The following LINGO2 variants were observed in gnomAD, a reference collection of about 807,000 sequenced individuals.
The protein encoded by LINGO2 is leucine rich repeat and Ig domain containing 2.
LINGO2 carries 14 observed loss-of-function variants against 30.6 expected under a neutral mutation model. The ratio of observed to expected loss-of-function variants is 0.46; its 90% CI spans 0.30 to 0.72. The LOEUF (loss-of-function observed/expected upper bound fraction) is 0.72. Ranked by LOEUF, LINGO2 falls within the 30% of genes least tolerant of loss-of-function variation. LINGO2 has a pLI of 0.07. For synonymous variants in LINGO2, 317 were observed against 288.5 expected (o/e 1.10, Z -1.00); for missense variants, 729 against 751.7 (o/e 0.97, Z 0.35).
chr9:28,622,915 T>C (rs1270045580), intron 1 of LINGO2, among the ~76,000 whole-genome samples: 2 of 152,094 alleles, frequency 1.3e-5, no homozygotes, highest in African/African-American at 4.8e-5. Flanking sequence ...CATTGCAGTA[T>C]TGATTTGTAT....
chr9:28,035,892 A>AC (rs1491393476), intron 4 of LINGO2, among the ~76,000 whole-genome samples: 9 of 81,148 alleles, frequency 1.1e-4, no homozygotes, highest in East Asian at 5.6e-4. Flanking sequence ...ACACACACAC[A>AC]AACACACACA....
chr9:28,874,439 A>G, the LINGO2 span, among the ~76,000 whole-genome samples: 1 of 152,088 alleles, frequency 6.6e-6, no homozygotes, highest in Non-Finnish European at 1.5e-5. Flanking sequence ...ACTATCGAGC[A>G]CTGTTTTTAA....
chr9:28,029,847 A>G (rs564191157), intron 4 of LINGO2, among the ~76,000 whole-genome samples: 5 of 152,328 alleles, frequency 3.3e-5, no homozygotes, highest in African/African-American at 1.2e-4. Flanking sequence ...TTGCAATTAT[A>G]TAACTTTGAA....
At chr9:29,209,661 T>A in the LINGO2 span, among the ~76,000 whole-genome samples, 1 of 152,282 alleles carries the variant, frequency 6.6e-6, no homozygotes, top group African/African-American at 2.4e-5. Context: ...TTTTTAAATT[T>A]AATTTATTTT....
chr9:28,768,841 T>G, the LINGO2 span, among the ~76,000 whole-genome samples: 1 of 152,154 alleles, frequency 6.6e-6, no homozygotes, highest in East Asian at 1.9e-4. Context: ...TATGACAGAA[T>G]TGGAACATCC....
chr9:28,653,941 T>C (rs1315405838), intron 1 of LINGO2, among the ~76,000 whole-genome samples: 5 of 152,124 alleles, frequency 3.3e-5, no homozygotes, highest in African/African-American at 1.2e-4. Flanking sequence ...ATTATAGCTA[T>C]AATAAAAGGG....
rs75805440 is a variant in LINGO2, at chr9:28,593,370, C to G, written c.-365+76830G>C. Among the ~76,000 whole-genome samples, 678 of 152,152 alleles carry G rather than the reference C, an allele frequency of 4.5e-3. 7 individuals carry two copies. Among genetic ancestry groups the G allele is most frequent in the African/African-American group, 0.016 (647 of 41,534 alleles). On this transcript the variant is annotated intron_variant, in intron 1 of 5. Transcript: ENST00000379992. ...TCCCTATTTACTAAATGAGGATACT[C>G]TAGTTATGTGTAGTAGATAATTTTT...
the LINGO2 span, among the ~76,000 whole-genome samples, chr9:29,078,325 T>C: frequency 1.3e-5 from 2 of 152,064 alleles, no homozygotes; most frequent in East Asian, 3.9e-4. Context: ...TTTTTCACTT[T>C]AATAACTTGT....
chr9:28,440,479 A>C (rs1824148299), intron 2 of LINGO2, among the ~76,000 whole-genome samples: 1 of 152,158 alleles, frequency 6.6e-6, no homozygotes, highest in African/African-American at 2.4e-5. Context: ...TGAGGACAGA[A>C]TGTTACCTCT....
chr9:28,635,105 C>A (rs1827196505), intron 1 of LINGO2, among the ~76,000 whole-genome samples: 1 of 152,158 alleles, frequency 6.6e-6, no homozygotes, highest in African/African-American at 2.4e-5. Context: ...TTCTTGATGA[C>A]ATTTTGGAGA....
At chr9:28,632,294 G>A (rs1235282364) in intron 1 of LINGO2, among the ~76,000 whole-genome samples, 2 of 152,086 alleles carry the variant, frequency 1.3e-5, no homozygotes, top group East Asian at 1.9e-4. Flanking sequence ...GAAAAGCCTT[G>A]ACTTTATGAC....
chr9:28,891,302 C>T, the LINGO2 span, among the ~76,000 whole-genome samples: 7 of 151,992 alleles, frequency 4.6e-5, no homozygotes, highest in South Asian at 8.3e-4. Context: ...TTAGTTTTCT[C>T]ATTTCAAAAT....
the LINGO2 span, among the ~76,000 whole-genome samples, chr9:28,730,399 A>G: frequency 6.6e-6 from 1 of 152,316 alleles, no homozygotes; most frequent in Non-Finnish European, 1.5e-5. Context: ...TAACATCAAA[A>G]GGATGATCTA....
At chr9:28,598,418 C>CAAAAAAAAAAAA (rs766825127) in intron 1 of LINGO2, among the ~76,000 whole-genome samples, 1 of 109,090 alleles carries the variant, frequency 9.2e-6, no homozygotes, top group Non-Finnish European at 1.8e-5. Flanking sequence ...TTCTCCATAT[C>CAAAAAAAAAAAA]AAAAAAAAAA....
At position 28,576,841 on chromosome 9, in the gene LINGO2, A is replaced by T. The variant is rs538967642; in HGVS notation, c.-365+93359T>A. On this transcript the variant is annotated intron_variant, in intron 1 of 5. Transcript: ENST00000379992. The stretch of plus-strand genomic sequence containing the variant: ...AATAAGCATAAATTCTTTTCAAATG[A>T]TATTTCAAGCTCACCCAAAATAGTA... 7.2e-5 allele frequency among the ~76,000 whole-genome samples: 11 copies of T among 152,316 alleles called. No individual in the cohort carries two copies. The East Asian group carries it at 2.1e-3, about 29-fold the overall frequency.
chr9:28,903,577 G>A, the LINGO2 span, among the ~76,000 whole-genome samples: 2 of 152,222 alleles, frequency 1.3e-5, no homozygotes, highest in Non-Finnish European at 2.9e-5. Flanking sequence ...CTGGGCTCAA[G>A]GAATCCTCCT....
At chr9:28,835,995 A>G in the LINGO2 span, among the ~76,000 whole-genome samples, 1 of 152,200 alleles carries the variant, frequency 6.6e-6, no homozygotes, top group African/African-American at 2.4e-5. Flanking sequence ...GATATATCAC[A>G]TACTCCAAAA....
the LINGO2 span, among the ~76,000 whole-genome samples, chr9:28,904,021 G>A: frequency 1.3e-5 from 2 of 151,990 alleles, no homozygotes; most frequent in Non-Finnish European, 2.9e-5. Flanking sequence ...ATGATCAAGT[G>A]GGATTTATCC....
At chr9:28,676,617 T>TGTGTTGTTGGTG in the LINGO2 span, among the ~76,000 whole-genome samples, 10 of 152,204 alleles carry the variant, frequency 6.6e-5, no homozygotes, top group African/African-American at 2.2e-4. Flanking sequence ...TTTTAAAACA[T>TGTGTTGTTGGTG]GTGTTGTTGG....
Sources: allele counts gnomAD v4.1 joint callset (sites outside exome capture counted in the v4.1 genomes callset), GRCh38; gene constraint gnomAD v4.1.1; transcripts MANE v1.5; gene names NCBI Gene and HGNC (gene_info 2026-07-23, HGNC 2026-07-21).